The following C11orf97 variants were observed in gnomAD, a reference collection of about 807,000 sequenced individuals.
C11orf97 encodes chromosome 11 open reading frame 97.
Under a neutral mutation model 16.2 loss-of-function variants are expected in C11orf97, and 15 were observed. The ratio of observed to expected loss-of-function variants is 0.93; its 90% CI spans 0.62 to 1.43. The LOEUF (loss-of-function observed/expected upper bound fraction) is 1.43, where lower values mean the gene tolerates loss of function less well. Ranked by LOEUF, C11orf97 falls within the 40% of genes most tolerant of loss-of-function variation. The pLI is 0.00. For missense variants in C11orf97, 171 were observed against 161.2 expected, an observed-to-expected ratio of 1.06 and a Z score of -0.33; for synonymous variants, 61 against 65.7, an observed-to-expected ratio of 0.93 and a Z score of 0.34.
chr11:94,529,587 C>A (rs2135186312), intron 3 of C11orf97, among the ~76,000 whole-genome samples: 1 of 152,314 alleles, frequency 6.6e-6, no homozygotes, highest in East Asian at 1.9e-4. Context: ...CATAGAGACA[C>A]TTTACTACCT....
At chr11:94,516,872 C>T (rs1230042230) in intron 1 of C11orf97, among the ~76,000 whole-genome samples, 2 of 152,152 alleles carry the variant, frequency 1.3e-5, no homozygotes, top group Non-Finnish European at 2.9e-5. Context: ...GTCTGGAGCT[C>T]AGAGAGCAAG....
chr11:94,526,580 C>T (rs1045007266), intron 2 of C11orf97, among the ~76,000 whole-genome samples: 2 of 152,198 alleles, frequency 1.3e-5, no homozygotes. Flanking sequence ...AAGTTCAAAT[C>T]TATTTCCCTG....
At chr11:94,523,113 GA>G (rs1208349559) in intron 2 of C11orf97, among the ~76,000 whole-genome samples, 2 of 152,150 alleles carry the variant, frequency 1.3e-5, no homozygotes, top group African/African-American at 4.8e-5. Flanking sequence ...TCTCTTGTAT[GA>G]TGCCTCCATC....
At chr11:94,531,526 C>CAAAAAA (rs35270400) in intron 3 of C11orf97, among the ~76,000 whole-genome samples, 5 of 92,076 alleles carry the variant, frequency 5.4e-5, no homozygotes, top group Non-Finnish European at 1.0e-4. Flanking sequence ...CAAAACAAGC[C>CAAAAAA]AAAAAAAAAA....
At chr11:94,531,858 TA>T in intron 3 of C11orf97, 37 bp from the exon 4 acceptor site, 1 of 1,403,722 alleles carries the variant, frequency 7.1e-7, no homozygotes, top group Non-Finnish European at 9.3e-7. Flanking sequence ...CTCCCCGAAG[TA>T]AAACACTTAT....
chr11:94,521,081 A>G (rs919433776), intron 2 of C11orf97, among the ~76,000 whole-genome samples: 15 of 152,194 alleles, frequency 9.9e-5, no homozygotes, highest in East Asian at 9.6e-4. Flanking sequence ...ACATTCAGAT[A>G]TCTTCCTCTC....
intron 2 of C11orf97, among the ~76,000 whole-genome samples, chr11:94,524,430 T>A: frequency 6.6e-6 from 1 of 151,916 alleles, no homozygotes. Context: ...TTCTATTCAG[T>A]TAAAAAAAAG....
chr11:94,521,272 A>C (rs1181215922), intron 2 of C11orf97, among the ~76,000 whole-genome samples: 1 of 152,196 alleles, frequency 6.6e-6, no homozygotes, highest in Non-Finnish European at 1.5e-5. Context: ...TTGTGGTTCA[A>C]CTTATGATTT....
intron 1 of C11orf97, among the ~76,000 whole-genome samples, chr11:94,514,807 G>C (rs1255982347): frequency 6.6e-6 from 1 of 151,884 alleles, no homozygotes; most frequent in Non-Finnish European, 1.5e-5. Flanking sequence ...ATCACGCCTG[G>C]CTAATTTTTG....
intron 2 of C11orf97, among the ~76,000 whole-genome samples, chr11:94,527,620 C>T (rs1317411327): frequency 6.6e-6 from 1 of 152,178 alleles, no homozygotes; most frequent in Non-Finnish European, 1.5e-5. Flanking sequence ...GATTAAACAG[C>T]ATCTAGTTTG....
At chr11:94,515,449 C>T (rs1947604400) in intron 1 of C11orf97, among the ~76,000 whole-genome samples, 1 of 152,136 alleles carries the variant, frequency 6.6e-6, no homozygotes, top group Non-Finnish European at 1.5e-5. Context: ...GACCAATCCA[C>T]TTAAAATGCT....
intron 2 of C11orf97, among the ~76,000 whole-genome samples, chr11:94,524,134 CAG>C (rs1947680685): frequency 1.3e-5 from 2 of 151,992 alleles, no homozygotes; most frequent in African/African-American, 4.8e-5. Context: ...TTATCATTTG[CAG>C]AGTTTCTTCT....
At chr11:94,522,669 A>G (rs1947668344) in intron 2 of C11orf97, among the ~76,000 whole-genome samples, 1 of 152,106 alleles carries the variant, frequency 6.6e-6, no homozygotes, top group Non-Finnish European at 1.5e-5. Context: ...CTATCTCCAC[A>G]CCAGACCACC....
chr11:94,523,046 A>G (rs1449559257), intron 2 of C11orf97, among the ~76,000 whole-genome samples: 1 of 152,120 alleles, frequency 6.6e-6, no homozygotes, highest in Non-Finnish European at 1.5e-5. Context: ...CAAGCTATGT[A>G]TGTTCACGTG....
intron 3 of C11orf97, among the ~76,000 whole-genome samples, chr11:94,529,436 A>G (rs1947722245): frequency 6.6e-6 from 1 of 152,260 alleles, no homozygotes; most frequent in South Asian, 2.1e-4. Context: ...GGAAGACTTC[A>G]GTTTAATGAT....
chr11:94,526,239 C>CA (rs1947699527), intron 2 of C11orf97, among the ~76,000 whole-genome samples: 1 of 152,178 alleles, frequency 6.6e-6, no homozygotes, highest in Non-Finnish European at 1.5e-5. Flanking sequence ...CCCTTTTATC[C>CA]AGTCAAATAT....
intron 2 of C11orf97, 125 bp from the exon 3 acceptor site, chr11:94,527,959 T>C: frequency 2.4e-6 from 2 of 839,518 alleles, no homozygotes; most frequent in Non-Finnish European, 1.8e-6. Context: ...AGTGGTTTGA[T>C]TAGTCAAACC....
chr11:94,527,748 G>C (rs1214272137), intron 2 of C11orf97, among the ~76,000 whole-genome samples: 1 of 152,106 alleles, frequency 6.6e-6, no homozygotes, highest in African/African-American at 2.4e-5. Flanking sequence ...AATTAAATCA[G>C]AATCAGATAA....
chr11:94,518,860 G>A (rs1236471645), intron 2 of C11orf97, among the ~76,000 whole-genome samples: 1 of 152,122 alleles, frequency 6.6e-6, no homozygotes, highest in African/African-American at 2.4e-5. Flanking sequence ...AGAGGCTGCA[G>A]GCCCAGAAGT....
Sources: gnomAD v4.1 joint callset for allele counts (sites outside exome capture counted in the v4.1 genomes callset) on GRCh38, gnomAD v4.1.1 for gene constraint, MANE v1.5 for transcripts, NCBI Gene and HGNC (gene_info 2026-07-23, HGNC 2026-07-21) for gene names.